The following PGM5 variants were observed in gnomAD, a reference collection of about 807,000 sequenced individuals.
The protein encoded by PGM5 is phosphoglucomutase-like protein 5.
A neutral mutation model predicts 59.2 loss-of-function variants in PGM5; 23 were observed. That is an observed-to-expected ratio of 0.39 (90% CI 0.28 to 0.55). The LOEUF is 0.55. Among genes scored for constraint, PGM5 ranks in the 20% least tolerant of loss-of-function variants. PGM5 has a pLI of 0.66. For synonymous variants in PGM5, 214 were observed against 286.0 expected, an observed-to-expected ratio of 0.75 and a Z score of 2.54; for missense variants, 574 against 748.3, an observed-to-expected ratio of 0.77 and a Z score of 2.72.
intron 1 of PGM5, among the ~76,000 whole-genome samples, chr9:68,366,576 C>A (rs1554676703): frequency 1.3e-5 from 2 of 152,290 alleles, no homozygotes; most frequent in Non-Finnish European, 2.9e-5. Flanking sequence ...CTTTTCCTAT[C>A]TATTCCATAT....
chr9:68,383,243 GA>G (rs1822122443), intron 2 of PGM5, among the ~76,000 whole-genome samples: 1 of 151,962 alleles, frequency 6.6e-6, no homozygotes, highest in African/African-American at 2.4e-5. Context: ...TTGTCCAACA[GA>G]AAAATATTGT....
chr9:68,474,027 C>T (rs938553587), intron 7 of PGM5, among the ~76,000 whole-genome samples: 3 of 152,226 alleles, frequency 2.0e-5, no homozygotes, highest in East Asian at 1.9e-4. Context: ...AGACTGCATA[C>T]GGTGCCTTTC....
chr9:68,490,797 T>G (rs1335988363), intron 9 of PGM5, among the ~76,000 whole-genome samples: 1 of 152,224 alleles, frequency 6.6e-6, no homozygotes, highest in Admixed American at 6.5e-5. Flanking sequence ...AGAAATCATT[T>G]TAGTCACACT....
At chr9:68,425,471 T>G (rs1554682635) in intron 6 of PGM5, among the ~76,000 whole-genome samples, 1 of 152,140 alleles carries the variant, frequency 6.6e-6, no homozygotes, top group East Asian at 1.9e-4. Context: ...AAGATTGACT[T>G]GAAATTTCAT....
intron 10 of PGM5, among the ~76,000 whole-genome samples, chr9:68,527,170 C>G (rs1159031923): frequency 6.6e-6 from 1 of 152,204 alleles, no homozygotes; most frequent in Non-Finnish European, 1.5e-5. Context: ...CTTCCCCGCC[C>G]TTTTGCCAAT....
intron 7 of PGM5, among the ~76,000 whole-genome samples, chr9:68,469,062 G>T (rs58973186): frequency 0.037 from 5,582 of 152,112 alleles, 167 homozygotes; most frequent in African/African-American, 0.093. Context: ...GACCACAGGC[G>T]TGTGCCATCA....
intron 10 of PGM5, among the ~76,000 whole-genome samples, chr9:68,502,425 C>T (rs265082): frequency 4.9e-4 from 75 of 152,246 alleles, no homozygotes; most frequent in African/African-American, 1.7e-3. Context: ...ATTAGCTTCT[C>T]GTTGACCTTC....
chr9:68,456,618 C>CT (rs1256922534), intron 6 of PGM5, among the ~76,000 whole-genome samples: 3,473 of 122,266 alleles, frequency 0.028, 171 homozygotes, highest in African/African-American at 0.091. Flanking sequence ...GTGCCCTGTC[C>CT]TTTTTTTTTT....
intron 2 of PGM5, among the ~76,000 whole-genome samples, chr9:68,383,740 T>A (rs1822140098): frequency 4.7e-5 from 5 of 106,302 alleles, no homozygotes; most frequent in African/African-American, 1.1e-4. Flanking sequence ...ATATACAAGG[T>A]AAAAAAAAAA....
chr9:68,478,174 C>T (rs1194486696), intron 7 of PGM5, among the ~76,000 whole-genome samples: 1 of 152,190 alleles, frequency 6.6e-6, no homozygotes, highest in African/African-American at 2.4e-5. Flanking sequence ...CAGACAGATA[C>T]CCAAATGGGC....
rs1195526197 is a variant in PGM5, at chr9:68,373,690, G to A, written c.262-4509G>A. ...ACTGCTTAAGAAAATGTGGGTGGTT[G>A]TAATAAATAAACCTGAAATGTAGGC... On this transcript the variant is annotated intron_variant, in intron 1 of 10. Coordinates refer to ENST00000396396, the MANE Select transcript of PGM5 (RefSeq NM_021965.4). 5.9e-5 allele frequency among the ~76,000 whole-genome samples: 9 copies of A among 152,294 alleles called. 1 individual carries two copies. The South Asian group carries it at 1.7e-3, about 28-fold the overall frequency.
chr9:68,410,588 G>A (rs2132038370), intron 6 of PGM5, among the ~76,000 whole-genome samples: 1 of 151,992 alleles, frequency 6.6e-6, no homozygotes, highest in African/African-American at 2.4e-5. Context: ...AGGAGAGGAG[G>A]AATATCTACC....
chr9:68,378,806 C>T (rs1259867281), intron 2 of PGM5, among the ~76,000 whole-genome samples: 4 of 151,738 alleles, frequency 2.6e-5, no homozygotes, highest in East Asian at 1.9e-4. Flanking sequence ...TTGACTTTCT[C>T]TCAAAATCAT....
chr9:68,397,882 A>G (rs1832191338), intron 6 of PGM5: 1 of 152,238 alleles, frequency 6.6e-6, no homozygotes, highest in South Asian at 2.1e-4. Flanking sequence ...ATGTGAAAAC[A>G]CTTATTCCTC....
At chr9:68,398,762 A>C (rs1554680247) in intron 6 of PGM5, 1 of 152,144 alleles carries the variant, frequency 6.6e-6, no homozygotes, top group Non-Finnish European at 1.5e-5. Context: ...CACCAGCATA[A>C]ATGGCACAAT....
intron 6 of PGM5, 128 bp downstream of exon 6, chr9:68,392,601 A>T (rs1235131314): frequency 1.2e-5 from 18 of 1,451,034 alleles, no homozygotes; most frequent in Non-Finnish European, 1.7e-5. Flanking sequence ...GGAACACGGT[A>T]TAGTGTACTG....
intron 9 of PGM5, among the ~76,000 whole-genome samples, chr9:68,488,079 T>TA (rs35049054): frequency 2.0e-5 from 3 of 152,276 alleles, no homozygotes; most frequent in Middle Eastern, 3.4e-3. Flanking sequence ...ATTTATGTTT[T>TA]AAAAAAAGCA....
At chr9:68,419,034 GC>G (rs1823084490) in intron 6 of PGM5, among the ~76,000 whole-genome samples, 1 of 152,132 alleles carries the variant, frequency 6.6e-6, no homozygotes, top group Admixed American at 6.5e-5. Context: ...GTGCGCCCCT[GC>G]CCCAAAGTAT....
At chr9:68,467,852 C>T (rs1823958262) in intron 7 of PGM5, among the ~76,000 whole-genome samples, 1 of 152,100 alleles carries the variant, frequency 6.6e-6, no homozygotes, top group Non-Finnish European at 1.5e-5. Context: ...TGGTTTGCAA[C>T]TTCCTTAGTT....
Sources: gnomAD v4.1 joint callset for allele counts (sites outside exome capture counted in the v4.1 genomes callset) on GRCh38, gnomAD v4.1.1 for gene constraint, MANE v1.5 for transcripts, NCBI Gene and HGNC (gene_info 2026-07-23, HGNC 2026-07-21) for gene names.